Variants in RPP30 observed in about 807,000 individuals in gnomAD.
RPP30 encodes the protein ribonuclease P/MRP subunit p30.
Under a neutral mutation model 38.6 loss-of-function variants are expected in RPP30, and 36 were observed. The ratio of observed to expected loss-of-function variants is 0.93; its 90% CI spans 0.71 to 1.23. The LOEUF (loss-of-function observed/expected upper bound fraction) is 1.23, where lower values mean the gene tolerates loss of function less well. RPP30 is among the 50% of genes most tolerant of loss of function. The pLI, the probability that RPP30 is intolerant of heterozygous loss-of-function variation, is 0.00. For missense variants in RPP30, 321 were observed against 321.7 expected, an observed-to-expected ratio of 1.00 and a Z score of 0.02; for synonymous variants, 126 against 112.7, an observed-to-expected ratio of 1.12 and a Z score of -0.75.
chr10:90,890,038 G>A (rs1589499120), intron 6 of RPP30, among the ~76,000 whole-genome samples: 1 of 152,124 alleles, frequency 6.6e-6, no homozygotes, highest in Admixed American at 6.5e-5. Context: ...TTTGGGATGG[G>A]GTAGATGTTA....
At chr10:90,880,300 G>A (rs1846908722) in intron 5 of RPP30, 1 of 152,014 alleles carries the variant, frequency 6.6e-6, no homozygotes, top group East Asian at 1.9e-4. Context: ...GACTAAGGAT[G>A]CTAACGTGTG....
At chr10:90,881,688 A>G (rs1215064432) in intron 5 of RPP30, among the ~76,000 whole-genome samples, 3 of 152,318 alleles carry the variant, frequency 2.0e-5, no homozygotes, top group East Asian at 3.9e-4. Context: ...TAAAGCTTTT[A>G]TAGGTATATC....
rs965940727 is a variant in RPP30 at position 90,901,114 on chromosome 10, A to G, written c.*435A>G. 3.6e-6 allele frequency: 1 copy of G among 276,662 alleles called. No homozygotes were observed. Among genetic ancestry groups the G allele is most frequent in the Non-Finnish European group, 5.4e-6 (1 of 184,922 alleles). The allele number at this position is 276,662 out of a possible 1,614,324, so 17.1% of individuals were successfully genotyped here. A position where few individuals can be genotyped will look rare whatever the true frequency, so the allele number is the denominator to read the frequency against. ...TTCAGCCTCTCAAGCAGCGGGAACT[A>G]CAGGTGTGCACTACCACACCTGGCT... On this transcript the variant is annotated 3_prime_UTR_variant, in exon 11 of 11. Coordinates refer to ENST00000371703, the MANE Select transcript of RPP30 (RefSeq NM_006413.5).
At chr10:90,875,643 A>G (rs549116655) in intron 3 of RPP30, 29 bp downstream of exon 3, 2 of 1,574,216 alleles carry the variant, frequency 1.3e-6, no homozygotes, top group South Asian at 1.1e-5. Context: ...ACGAAGCATA[A>G]TATCTATTTA....
In RPP30 at chr10:90,885,758, TCTTA is replaced by T. The variant is rs138882299; in HGVS notation, c.343-50_343-47del. ...TATCGAGTTTGACCCTATCTCCCAT[TCTTA>T]CTTGTGCCAATTTTCCTTTTGGCCT... On this transcript the variant is annotated intron_variant, in intron 5 of 10. Coordinates refer to ENST00000371703, the MANE Select transcript of RPP30 (RefSeq NM_006413.5). 2,930 of 1,134,760 alleles carry T rather than the reference TCTTA, an allele frequency of 2.6e-3. 62 individuals are homozygous for T. The African/African-American group carries it at 0.038, about 15-fold the overall frequency. 70.3% of individuals were successfully genotyped at this position (1,134,760 alleles called of 1,614,324 possible). A position where few individuals can be genotyped will look rare whatever the true frequency, so the allele number is the denominator to read the frequency against.
rs1348603488 is a variant in RPP30, at chr10:90,899,955, C to A, written c.698-615C>A. Among the ~76,000 whole-genome samples the A allele has an allele frequency of 2.2e-3, 336 of 152,316 alleles. 1 individual carries two copies. The highest frequency in any genetic ancestry group is 0.01 in the Middle Eastern group (3 of 294). On this transcript the variant is annotated intron_variant, in intron 10 of 10. Transcript: ENST00000371703. Reference sequence around the variant, plus strand: ...ATTTAAGTTGAACTCTGCTGCCAGCCTAATCTAAGCATTTAATAATTTCTA... The same window carrying A: ...ATTTAAGTTGAACTCTGCTGCCAGCATAATCTAAGCATTTAATAATTTCTA...
intron 5 of RPP30, among the ~76,000 whole-genome samples, chr10:90,880,552 A>C (rs748833608): frequency 2.1e-4 from 32 of 152,074 alleles, no homozygotes; most frequent in Admixed American, 3.9e-4. Flanking sequence ...ATATGGTGAA[A>C]CCCCATCCCT....
chr10:90,879,359 G>C (rs1470026605), intron 5 of RPP30, among the ~76,000 whole-genome samples: 1 of 152,032 alleles, frequency 6.6e-6, no homozygotes, highest in African/African-American at 2.4e-5. Context: ...GGCTCAGTTT[G>C]AAAGAGCCCG....
chr10:90,872,196 C>T (rs987108224), intron 1 of RPP30, 128 bp downstream of exon 1: 58 of 781,766 alleles, frequency 7.4e-5, no homozygotes, highest in Non-Finnish European at 1.1e-4. Context: ...TCCCTGGAGG[C>T]TGATGCCCGC....
At position 90,895,196 on chromosome 10, in the gene RPP30, C is replaced by T. The variant is rs1333539447; in HGVS notation, c.550-258C>T. On this transcript the variant is annotated intron_variant, in intron 7 of 10. Transcript: ENST00000371703. ...CACTGAGTTGAATTAAGATATGTGA[C>T]CTTTTCATCTTGTTTTTTAAACTTA... 8 of 495,066 alleles carry T rather than the reference C, an allele frequency of 1.6e-5. No individual in the cohort carries two copies. In the South Asian group the frequency reaches 1.9e-4, roughly 12 times the overall value. The allele number at this position is 495,066 out of a possible 1,614,324, so 30.7% of individuals were successfully genotyped here.
At position 90,894,823 on chromosome 10, in the gene RPP30, A is replaced by G. The variant is rs189155403; in HGVS notation, c.481A>G (p.Lys161Glu). The G allele has an allele frequency of 2.7e-5, 43 of 1,613,608 alleles. 1 individual carries two copies. The East Asian group carries it at 8.2e-4, about 31-fold the overall frequency. Residue 161 changes from lysine (K) to glutamate (E), a missense_variant, in exon 7 of 11, where the codon AAA becomes GAA. By Grantham distance (56) the Lys-to-Glu change is moderately conservative. Coordinates refer to ENST00000371703, the MANE Select transcript of RPP30 (RefSeq NM_006413.5). ...TGAACTTGTCTATAGCCCTGCTATC[A>G]AAGACTCCACAATGAGAAGGTATAC... The part of the protein sequence containing the change: ...AFELVYSPAI[K>E]DSTMRRYTIS...
intron 6 of RPP30, among the ~76,000 whole-genome samples, chr10:90,888,247 A>G (rs1030224264): frequency 5.3e-5 from 8 of 152,212 alleles, no homozygotes; most frequent in Non-Finnish European, 7.4e-5. Context: ...GAATAAGCCC[A>G]CATACGATAC....
chr10:90,896,235 C>A, intron 9 of RPP30, 78 bp from the exon 10 acceptor site: 1 of 1,268,880 alleles, frequency 7.9e-7, no homozygotes, highest in Non-Finnish European at 1.2e-6. Flanking sequence ...ACCAGGTTAG[C>A]TGGCACTTTC....
At chr10:90,903,233 A>C, downstream of RPP30, 1 of 1,610,448 alleles carries the variant, frequency 6.2e-7, no homozygotes, top group Non-Finnish European at 8.5e-7. Flanking sequence ...CTCTCATCAG[A>C]GAGATCATAC....
intron 5 of RPP30, among the ~76,000 whole-genome samples, chr10:90,881,886 A>C (rs1466274452): frequency 9.2e-5 from 14 of 152,338 alleles, no homozygotes; most frequent in African/African-American, 3.1e-4. Context: ...ACAGACAGAC[A>C]CATGTTTATG....
At chr10:90,890,049 A>T (rs1847055236) in intron 6 of RPP30, among the ~76,000 whole-genome samples, 1 of 152,178 alleles carries the variant, frequency 6.6e-6, no homozygotes, top group Non-Finnish European at 1.5e-5. Context: ...GTAGATGTTA[A>T]TTATCTCCAT....
intron 6 of RPP30, among the ~76,000 whole-genome samples, chr10:90,890,048 AATT>A (rs1212995371): frequency 1.4e-4 from 22 of 152,336 alleles, no homozygotes; most frequent in African/African-American, 5.1e-4. Context: ...GGTAGATGTT[AATT>A]ATCTCCATAT....
intron 5 of RPP30, among the ~76,000 whole-genome samples, chr10:90,884,471 G>C (rs928498625): frequency 4.6e-5 from 7 of 152,162 alleles, no homozygotes; most frequent in Non-Finnish European, 1.0e-4. Context: ...AGCTGAATTT[G>C]TTTCAGCTAT....
chr10:90,903,192 G>A, downstream of RPP30: 1 of 1,564,336 alleles, frequency 6.4e-7, no homozygotes, highest in Non-Finnish European at 8.8e-7. Flanking sequence ...TGCTTTAAAG[G>A]AACTAGAATT....
Sources: allele counts gnomAD v4.1 joint callset (sites outside exome capture counted in the v4.1 genomes callset), GRCh38; gene constraint gnomAD v4.1.1; transcripts MANE v1.5; gene names NCBI Gene and HGNC (gene_info 2026-07-23, HGNC 2026-07-21).